The following SLC16A12 variants were observed in gnomAD, a reference collection of about 807,000 sequenced individuals.
SLC16A12 encodes the protein solute carrier family 16 member 12.
In SLC16A12, 17 loss-of-function variants were observed where a neutral mutation model predicts 42.4. The observed-to-expected ratio is 0.40, with a 90% CI of 0.27 to 0.60. The LOEUF (loss-of-function observed/expected upper bound fraction) is 0.60. SLC16A12 is among the 20% of genes least tolerant of loss of function. The pLI is 0.42. For synonymous variants in SLC16A12, 224 were observed against 229.4 expected (o/e 0.98, Z 0.21); for missense variants, 544 against 623.0 (o/e 0.87, Z 1.35).
chr10:89,436,904 GAAAGAAAGAA>G (rs1468191162), intron 6 of SLC16A12, among the ~76,000 whole-genome samples: 31 of 148,850 alleles, frequency 2.1e-4, no homozygotes, highest in African/African-American at 7.3e-4. Flanking sequence ...AAGAAAGAAA[GAAAGAAAGAA>G]AAAGAAAGAG....
In SLC16A12 at chr10:89,436,106, T is replaced by C. The variant is rs879027458; in HGVS notation, c.1242A>G (p.Val414=). ...TTSLSSALGV[V]YFLHAVPYLV... ...AGTATGGCACTGCGTGAAGGAAGTATACCACACCAAGCGCTGATGACAAAG... is the reference window on the plus strand; with the variant it reads ...AGTATGGCACTGCGTGAAGGAAGTACACCACACCAAGCGCTGATGACAAAG... Residue 414 remains valine (V), a synonymous_variant, in exon 7 of 8, where the codon GTA becomes GTG. Coordinates refer to ENST00000371790, the MANE Select transcript of SLC16A12 (RefSeq NM_213606.4). 1 of 1,613,922 alleles carries C rather than the reference T, an allele frequency of 6.2e-7. No individual in the cohort carries two copies. Among genetic ancestry groups the C allele is most frequent in the South Asian group, 1.1e-5 (1 of 91,042 alleles).
In SLC16A12 at chr10:89,446,489, T is replaced by C. The variant is rs1366507364; in HGVS notation, c.201-2630A>G. ...AAGAAAAAGAATTTTCAACCCAGAA[T>C]TTCATATCTGGCCAAACTAAGCTTC... On this transcript the variant is annotated intron_variant, in intron 3 of 7. Coordinates refer to ENST00000371790, the MANE Select transcript of SLC16A12 (RefSeq NM_213606.4). Among the ~76,000 whole-genome samples, 4 of 152,188 alleles carry C rather than the reference T, an allele frequency of 2.6e-5. No individual in the cohort carries two copies. In the East Asian group the frequency reaches 7.7e-4, roughly 29 times the overall value.
intron 2 of SLC16A12, among the ~76,000 whole-genome samples, chr10:89,497,720 G>A (rs1842940395): frequency 1.4e-5 from 2 of 144,490 alleles, no homozygotes; most frequent in South Asian, 4.3e-4. Context: ...AGAATTAATA[G>A]GGGTAGAGAT....
chr10:89,470,420 T>C (rs1425372295), intron 2 of SLC16A12, among the ~76,000 whole-genome samples: 1 of 152,206 alleles, frequency 6.6e-6, no homozygotes, highest in African/African-American at 2.4e-5. Flanking sequence ...TTGTCCCATG[T>C]ATAACTGTGG....
chr10:89,495,752 G>A (rs1450586287), intron 2 of SLC16A12, among the ~76,000 whole-genome samples: 1 of 152,178 alleles, frequency 6.6e-6, no homozygotes, highest in Non-Finnish European at 1.5e-5. Context: ...TACAGTACCA[G>A]TTGTTTACCA....
intron 2 of SLC16A12, among the ~76,000 whole-genome samples, chr10:89,500,858 G>C (rs1375544041): frequency 3.3e-5 from 5 of 152,144 alleles, no homozygotes; most frequent in Non-Finnish European, 5.9e-5. Flanking sequence ...AACTGTCACT[G>C]TTTGCTGATG....
intron 2 of SLC16A12, among the ~76,000 whole-genome samples, chr10:89,513,695 T>C (rs1437631549): frequency 6.6e-6 from 1 of 152,174 alleles, no homozygotes; most frequent in Non-Finnish European, 1.5e-5. Flanking sequence ...AAGAGACTGA[T>C]AACACTGAGA....
chr10:89,469,684 A>G (rs1484986453), intron 2 of SLC16A12, among the ~76,000 whole-genome samples: 2 of 152,222 alleles, frequency 1.3e-5, no homozygotes. Flanking sequence ...TATGATGGAA[A>G]AATACCAAGG....
At chr10:89,474,465 A>C (rs1842546361) in intron 2 of SLC16A12, among the ~76,000 whole-genome samples, 1 of 152,258 alleles carries the variant, frequency 6.6e-6, no homozygotes, top group South Asian at 2.1e-4. Context: ...ATAAAAGTGT[A>C]AATAACTGTC....
chr10:89,520,734 A>AAAG, intron 2 of SLC16A12, among the ~76,000 whole-genome samples: 1 of 151,722 alleles, frequency 6.6e-6, no homozygotes, highest in South Asian at 2.1e-4. Context: ...AAAAAAAAAA[A>AAAG]AAAAAAAATG....
chr10:89,494,269 C>T (rs951117920), intron 2 of SLC16A12, among the ~76,000 whole-genome samples: 2 of 152,122 alleles, frequency 1.3e-5, no homozygotes, highest in Non-Finnish European at 2.9e-5. Context: ...CAGTATTAAC[C>T]GGTTCAATTG....
rs1564568546 is a variant in SLC16A12 at position 89,438,969 on chromosome 10, AC to A, written c.662del (p.Gly221ValfsTer3). ...GGFVLNLCVC[G>X]ALMRPITLKE... is the part of the protein sequence containing the mutation. ...TAAGAGTAATTGGCCTCATCAAGGCACCACATACACAGAGATTCAAGACAAA... is the reference window on the plus strand; with the variant it reads ...TAAGAGTAATTGGCCTCATCAAGGCACACATACACAGAGATTCAAGACAAA... On this transcript the variant is annotated frameshift_variant, in exon 6 of 8. Coordinates refer to ENST00000371790, the MANE Select transcript of SLC16A12 (RefSeq NM_213606.4). LOFTEE classifies it high-confidence loss of function. The A allele has an allele frequency of 1.9e-6, 3 of 1,614,188 alleles. No homozygotes were observed. The highest frequency in any genetic ancestry group is 2.5e-6 in the Non-Finnish European group (3 of 1,180,032).
At chr10:89,459,301 C>T (rs958628659) in intron 3 of SLC16A12, among the ~76,000 whole-genome samples, 1 of 147,174 alleles carries the variant, frequency 6.8e-6, no homozygotes, top group African/African-American at 2.5e-5. Context: ...ACTCCCATAA[C>T]CAAGGCAGTT....
At chr10:89,441,308 G>C in intron 4 of SLC16A12, 57 bp from the exon 5 acceptor site, 4 of 1,605,990 alleles carry the variant, frequency 2.5e-6, no homozygotes, top group South Asian at 2.2e-5. Flanking sequence ...ACTGTGAAAG[G>C]CTGTGATGTG....
intron 2 of SLC16A12, among the ~76,000 whole-genome samples, chr10:89,482,266 A>G (rs1842676384): frequency 6.6e-6 from 1 of 151,820 alleles, no homozygotes; most frequent in Admixed American, 6.6e-5. Flanking sequence ...GAAGAAAAGA[A>G]AAAAAGGCTA....
intron 2 of SLC16A12, among the ~76,000 whole-genome samples, chr10:89,486,604 AAAG>A (rs1374100894): frequency 0.12 from 4,715 of 37,764 alleles, 154 homozygotes; most frequent in Middle Eastern, 0.15. Context: ...AAAAAAAAAA[AAAG>A]AAAGAAAGAA....
At chr10:89,493,219 CT>C (rs35163833) in intron 2 of SLC16A12, among the ~76,000 whole-genome samples, 30,266 of 140,384 alleles carry the variant, frequency 0.22, 3,586 homozygotes, top group Non-Finnish European at 0.32. Flanking sequence ...TTTTTTCTTT[CT>C]TTTTTTTTTT....
At chr10:89,518,359 G>A (rs1400114053) in intron 2 of SLC16A12, among the ~76,000 whole-genome samples, 1 of 152,172 alleles carries the variant, frequency 6.6e-6, no homozygotes, top group African/African-American at 2.4e-5. Flanking sequence ...GCCTCACCGA[G>A]GTAGGTCCTG....
At chr10:89,462,292 T>C in intron 3 of SLC16A12, 87 bp downstream of exon 3, 16 of 1,565,922 alleles carry the variant, frequency 1.0e-5, no homozygotes, top group Admixed American at 5.2e-5. Flanking sequence ...ATCTTCACAA[T>C]GATGGGTTCA....
Sources: allele counts gnomAD v4.1 joint callset (sites outside exome capture counted in the v4.1 genomes callset), GRCh38; gene constraint gnomAD v4.1.1; transcripts MANE v1.5; gene names NCBI Gene and HGNC (gene_info 2026-07-23, HGNC 2026-07-21).